Variants in GRIN2A observed in about 807,000 individuals in gnomAD.
GRIN2A encodes glutamate ionotropic receptor NMDA type subunit 2A.
Under a neutral mutation model 113.4 loss-of-function variants are expected in GRIN2A, and 22 were observed. The ratio of observed to expected loss-of-function variants is 0.19; its 90% CI spans 0.14 to 0.28. The LOEUF is 0.28. Among genes scored for constraint, GRIN2A ranks in the 10% least tolerant of loss-of-function variants. The probability of loss-of-function intolerance (pLI) is 1.00; values close to 1 mark genes in which losing one functional copy is unlikely to be tolerated. For missense variants in GRIN2A, 1,502 were observed against 1,887.0 expected (o/e 0.80, Z 3.78); for synonymous variants, 827 against 738.4 (o/e 1.12, Z -1.94).
chr16:10,173,023 G>A lies in GRIN2A; in HGVS notation c.414+6975C>T, dbSNP rs138782607. On this transcript the variant is annotated intron_variant, in intron 2 of 12. Coordinates refer to ENST00000330684, the MANE Select transcript of GRIN2A (RefSeq NM_001134407.3). ...GATAAACACCGCTGCAAACCCACCAGACCACAGCTCTTCAGGGCCCAAACG... is the reference window on the plus strand; with the variant it reads ...GATAAACACCGCTGCAAACCCACCAAACCACAGCTCTTCAGGGCCCAAACG... 2.0e-3 allele frequency among the ~76,000 whole-genome samples: 311 copies of A among 152,274 alleles called. 3 individuals carry two copies. The highest frequency in any genetic ancestry group is 7.2e-3 in the African/African-American group (298 of 41,554).
Position 9,761,705 on chromosome 16 carries a change from T to A in GRIN2A, c.*1444A>T, listed in dbSNP as rs1033162256. ...CCCCATGCATAAGTATTCCCCTCTC[T>A]GTCTCTAACTTAAAAAAAAAATGGA... On this transcript the variant is annotated 3_prime_UTR_variant, in exon 13 of 13. Transcript: ENST00000330684. The A allele has an allele frequency of 8.9e-6, 2 of 224,778 alleles. No homozygotes were observed. Among genetic ancestry groups the A allele is most frequent in the African/African-American group, 4.5e-5 (2 of 44,872 alleles). 13.9% of individuals were successfully genotyped at this position (224,778 alleles called of 1,614,324 possible).
intron 2 of GRIN2A, among the ~76,000 whole-genome samples, chr16:10,146,677 C>T (rs2049446471): frequency 1.3e-5 from 2 of 151,972 alleles, no homozygotes; most frequent in African/African-American, 2.4e-5. Flanking sequence ...GAGTCTCTGG[C>T]AAGAGGTGAA....
rs544210045 is a variant in GRIN2A at position 9,912,092 on chromosome 16, ATGGTGATGG to A, written c.1008-21001_1008-20993del. 3.8e-3 allele frequency among the ~76,000 whole-genome samples: 571 copies of A among 152,254 alleles called. 3 individuals are homozygous for A. Among genetic ancestry groups the A allele is most frequent in the African/African-American group, 0.013 (541 of 41,556 alleles). On this transcript the variant is annotated intron_variant, in intron 3 of 12. Coordinates refer to ENST00000330684, the MANE Select transcript of GRIN2A (RefSeq NM_001134407.3). Reference sequence around the variant, plus strand: ...ATATGTGTTAACTATGATGAGGATGATGGTGATGGTGGTGATGGTGATGATGGTGGTGAT... The same window carrying A: ...ATATGTGTTAACTATGATGAGGATGATGGTGATGGTGATGATGGTGGTGAT...
At chr16:9,809,000 T>TGAAG (rs1222271241) in intron 10 of GRIN2A, among the ~76,000 whole-genome samples, 2 of 151,926 alleles carry the variant, frequency 1.3e-5, no homozygotes, top group Non-Finnish European at 2.9e-5. Flanking sequence ...TCAAAGAGAA[T>TGAAG]GAAGGCAAAA....
chr16:10,083,005 A>G (rs1044819779), intron 2 of GRIN2A, among the ~76,000 whole-genome samples: 3 of 152,238 alleles, frequency 2.0e-5, no homozygotes, highest in Non-Finnish European at 2.9e-5. Flanking sequence ...AGCATGATTA[A>G]ATGCACTTCC....
intron 10 of GRIN2A, among the ~76,000 whole-genome samples, chr16:9,818,021 C>CT (rs959181438): frequency 1.5e-4 from 22 of 145,304 alleles, no homozygotes; most frequent in Non-Finnish European, 1.8e-4. Flanking sequence ...ACGAGAATGA[C>CT]TTTTTTTTTT....
chr16:9,773,567 C>T (rs563230942), intron 11 of GRIN2A, among the ~76,000 whole-genome samples: 3 of 152,276 alleles, frequency 2.0e-5, no homozygotes, highest in African/African-American at 7.2e-5. Context: ...CAGATGGAGC[C>T]TGGGAAGTTT....
At chr16:10,132,006 C>T (rs945998529) in intron 2 of GRIN2A, among the ~76,000 whole-genome samples, 3 of 152,100 alleles carry the variant, frequency 2.0e-5, no homozygotes, top group Non-Finnish European at 4.4e-5. Context: ...GTATTATAAT[C>T]CCCATTTATA....
At position 9,764,421 on chromosome 16, in the gene GRIN2A, A is replaced by T. The variant is rs574425467; in HGVS notation, c.3123T>A (p.Asn1041Lys). The part of the protein sequence containing the change: ...VSQRDEATAE[N>K]RTHSLKSPRY... ...TAGGGCTCTTTAGGGAGTGGGTCCTATTCTCTGCTGTTGCCTCATCCCTCT... is the reference window on the plus strand; with the variant it reads ...TAGGGCTCTTTAGGGAGTGGGTCCTTTTCTCTGCTGTTGCCTCATCCCTCT... Residue 1041 changes from asparagine to lysine, a missense_variant, in exon 13 of 13, where the codon AAT (asparagine) becomes AAA (lysine). Around this residue, in one of 7 missense-constraint regions of GRIN2A, gnomAD observed 832 missense variants for 789.7 expected, o/e 1.05. Transcript: ENST00000330684. 12 of 1,614,064 alleles carry T rather than the reference A, an allele frequency of 7.4e-6. No individual in the cohort carries two copies. Among genetic ancestry groups the T allele is most frequent in the African/African-American group, 1.3e-5 (1 of 75,012 alleles).
intron 10 of GRIN2A, among the ~76,000 whole-genome samples, chr16:9,816,386 A>C (rs1350860294): frequency 5.9e-5 from 9 of 152,212 alleles, no homozygotes; most frequent in African/African-American, 1.2e-4. Flanking sequence ...TTGTGCTGAG[A>C]ATGAAATCGC....
At chr16:10,036,134 G>A (rs199683870) in intron 2 of GRIN2A, among the ~76,000 whole-genome samples, 1 of 125,836 alleles carries the variant, frequency 7.9e-6, no homozygotes, top group Non-Finnish European at 1.8e-5. Context: ...ACTGAGATCA[G>A]GGGTTTTTCT....
chr16:9,958,944 G>T (rs1287332778), intron 2 of GRIN2A, among the ~76,000 whole-genome samples: 1 of 152,152 alleles, frequency 6.6e-6, no homozygotes, highest in East Asian at 1.9e-4. Context: ...AAATACAGAG[G>T]AGTTGGTAGG....
At chr16:10,121,790 G>T (rs2048840343) in intron 2 of GRIN2A, among the ~76,000 whole-genome samples, 1 of 152,142 alleles carries the variant, frequency 6.6e-6, no homozygotes, top group African/African-American at 2.4e-5. Context: ...TTCTCCCCAG[G>T]AAAGGAGGGT....
chr16:10,055,454 G>C (rs2047441859), intron 2 of GRIN2A, among the ~76,000 whole-genome samples: 1 of 152,136 alleles, frequency 6.6e-6, no homozygotes, highest in African/African-American at 2.4e-5. Context: ...AAGAGAAAAA[G>C]AAAAGATTTA....
chr16:10,034,169 G>A (rs1008064737), intron 2 of GRIN2A, among the ~76,000 whole-genome samples: 2 of 152,130 alleles, frequency 1.3e-5, no homozygotes, highest in Non-Finnish European at 2.9e-5. Context: ...CATAGACAAA[G>A]GCTTTGTGTT....
chr16:10,098,712 G>A (rs59892713), intron 2 of GRIN2A, among the ~76,000 whole-genome samples: 28,903 of 152,108 alleles, frequency 0.19, 3,152 homozygotes, highest in African/African-American at 0.3. Context: ...CAGGAATGGA[G>A]AACCAAACAT....
At chr16:9,957,098 A>T (rs2045327294) in intron 2 of GRIN2A, among the ~76,000 whole-genome samples, 1 of 152,160 alleles carries the variant, frequency 6.6e-6, no homozygotes, top group Non-Finnish European at 1.5e-5. Context: ...TAATTCCCTT[A>T]TTAGCATACC....
intron 5 of GRIN2A, among the ~76,000 whole-genome samples, chr16:9,845,203 A>G (rs562166780): frequency 6.6e-6 from 1 of 152,284 alleles, no homozygotes; most frequent in South Asian, 2.1e-4. Flanking sequence ...CACAGAAACC[A>G]AAAACGTGAA....
At chr16:9,793,513 C>T (rs2141215580) in intron 11 of GRIN2A, among the ~76,000 whole-genome samples, 1 of 152,220 alleles carries the variant, frequency 6.6e-6, no homozygotes, top group Admixed American at 6.5e-5. Context: ...TTCAGGTTCT[C>T]ACTCAAGTGT....
Sources: allele counts gnomAD v4.1 joint callset (sites outside exome capture counted in the v4.1 genomes callset), GRCh38; gene constraint gnomAD v4.1.1; regional missense constraint gnomAD v4.1.1; transcripts MANE v1.5; gene names NCBI Gene and HGNC (gene_info 2026-07-23, HGNC 2026-07-21).